DDR2: variants seen among roughly 807,000 people sequenced by gnomAD.
DDR2 encodes the protein discoidin domain-containing receptor 2.
In DDR2, 27 loss-of-function variants were observed where a neutral mutation model predicts 94.9. The observed-to-expected ratio is 0.28, with a 90% confidence interval of 0.21 to 0.39. The LOEUF (loss-of-function observed/expected upper bound fraction) is 0.39. Ranked by LOEUF, DDR2 falls within the 10% of genes least tolerant of loss-of-function variation. The pLI is 1.00. For missense variants in DDR2, 783 were observed against 1,076.0 expected (o/e 0.73, Z 3.81); for synonymous variants, 382 against 377.2 (o/e 1.01, Z -0.15).
intron 3 of DDR2, among the ~76,000 whole-genome samples, chr1:162,744,422 G>C (rs1294395982): frequency 6.6e-6 from 1 of 152,038 alleles, no homozygotes; most frequent in Non-Finnish European, 1.5e-5. Flanking sequence ...TCTATGGCTG[G>C]GTTATTTCAC....
chr1:162,710,217 G>C (rs1286401421), intron 2 of DDR2, among the ~76,000 whole-genome samples: 1 of 152,194 alleles, frequency 6.6e-6, no homozygotes, highest in African/African-American at 2.4e-5. Context: ...GAAAGGCTGA[G>C]ATGGAGGGGA....
Position 162,644,826 on chromosome 1 carries a change from C to A in DDR2, c.-191-10385C>A, listed in dbSNP as rs1450901207. ...GGCCAGGCTGGTCTCGAACTCCTGA[C>A]CTCAGGTTATCTGCCCACCTCAGCC... is the stretch of plus-strand genomic sequence containing the variant. On this transcript the variant is annotated intron_variant, in intron 1 of 17. Transcript: ENST00000367921. 2.6e-5 allele frequency among the ~76,000 whole-genome samples: 4 copies of A among 152,220 alleles called. No homozygotes were observed. The South Asian group carries it at 8.3e-4, about 32-fold the overall frequency.
rs774717921 is a variant in DDR2 at position 162,719,161 on chromosome 1, C to T, written c.82+16C>T. On this transcript the variant is annotated intron_variant, in intron 3 of 17. Coordinates refer to ENST00000367921, the MANE Select transcript of DDR2 (RefSeq NM_006182.4). ...GTTAATCCAGGTAACATGGCTATTACTCAGCTATATGCTAGAAGACCAGCA... is the reference window on the plus strand; with the variant it reads ...GTTAATCCAGGTAACATGGCTATTATTCAGCTATATGCTAGAAGACCAGCA... 6.2e-7 allele frequency: 1 copy of T among 1,613,660 alleles called. No individual in the cohort carries two copies.
At chr1:162,682,638 A>G (rs2101960262) in intron 2 of DDR2, among the ~76,000 whole-genome samples, 1 of 152,328 alleles carries the variant, frequency 6.6e-6, no homozygotes, top group African/African-American at 2.4e-5. Flanking sequence ...ATTGCTTCCT[A>G]GGTATACTGA....
At chr1:162,726,196 A>G (rs1510311) in intron 3 of DDR2, among the ~76,000 whole-genome samples, 19,328 of 152,178 alleles carry the variant, frequency 0.13, 1,693 homozygotes, top group African/African-American at 0.25. Flanking sequence ...CTCTTCCTCA[A>G]TTTTGTATAT....
rs1163211252 is a variant in DDR2 at position 162,643,575 on chromosome 1, G to A, written c.-192+10944G>A. Among the ~76,000 whole-genome samples the A allele has an allele frequency of 3.3e-5, 5 of 152,064 alleles. 1 individual carries two copies. Among genetic ancestry groups the A allele is most frequent in the Non-Finnish European group, 7.4e-5 (5 of 68,026 alleles). On this transcript the variant is annotated intron_variant, in intron 1 of 17. Coordinates refer to ENST00000367921, the MANE Select transcript of DDR2 (RefSeq NM_006182.4). ...TGGCTCACTGTAACTCCGCCTCCCC[G>A]GCTCAGGTGATTCTCCTGCCTCAGC...
chr1:162,699,094 G>A (rs1479232178), intron 2 of DDR2, among the ~76,000 whole-genome samples: 1 of 152,212 alleles, frequency 6.6e-6, no homozygotes, highest in African/African-American at 2.4e-5. Context: ...AGATTCAGGA[G>A]AAGGCTGGCA....
At chr1:162,719,561 G>C (rs930192918) in intron 3 of DDR2, among the ~76,000 whole-genome samples, 10 of 152,034 alleles carry the variant, frequency 6.6e-5, no homozygotes, top group Non-Finnish European at 1.5e-4. Context: ...TATGCTTTTG[G>C]GATCCTGGTC....
At chr1:162,712,663 T>C (rs1660972908) in intron 2 of DDR2, among the ~76,000 whole-genome samples, 1 of 152,140 alleles carries the variant, frequency 6.6e-6, no homozygotes, top group South Asian at 2.1e-4. Flanking sequence ...TCCATCCAGC[T>C]TGGCTAGGGA....
chr1:162,739,237 A>G (rs2102079228), intron 3 of DDR2, among the ~76,000 whole-genome samples: 1 of 148,298 alleles, frequency 6.7e-6, no homozygotes, highest in African/African-American at 2.5e-5. Context: ...TCCAGAATCT[A>G]CGATGAACTC....
In DDR2 at chr1:162,670,859, A is replaced by T. The variant is rs4656376; in HGVS notation, c.-28+15485A>T. Among the ~76,000 whole-genome samples, 3 of 152,016 alleles carry T rather than the reference A, an allele frequency of 2.0e-5. No individual in the cohort carries two copies. In the East Asian group the frequency reaches 5.8e-4, roughly 29 times the overall value. The stretch of plus-strand genomic sequence containing the variant: ...GTGGTTATGTTAGCTGAGGAGCCAG[A>T]ACACTAATTTCAGTGATTTGACTCT... On this transcript the variant is annotated intron_variant, in intron 2 of 17. Coordinates refer to ENST00000367921, the MANE Select transcript of DDR2 (RefSeq NM_006182.4).
chr1:162,758,844 T>C (rs1029282284), intron 7 of DDR2, among the ~76,000 whole-genome samples: 1 of 152,174 alleles, frequency 6.6e-6, no homozygotes, highest in African/African-American at 2.4e-5. Context: ...TTTGGGAAAT[T>C]TGTGTCATAT....
chr1:162,756,023 A>G (rs1294520763), intron 7 of DDR2, among the ~76,000 whole-genome samples: 1 of 152,218 alleles, frequency 6.6e-6, no homozygotes, highest in Admixed American at 6.5e-5. Context: ...AGTTTGTGAT[A>G]TGGCTCTAAG....
intron 2 of DDR2, among the ~76,000 whole-genome samples, chr1:162,718,753 T>C (rs927349506): frequency 2.6e-5 from 4 of 152,236 alleles, no homozygotes; most frequent in African/African-American, 9.6e-5. Flanking sequence ...ACCATTTGGG[T>C]AAGTATTTAT....
chr1:162,775,260 A>AAC (rs939019513), intron 14 of DDR2, among the ~76,000 whole-genome samples: 4 of 151,656 alleles, frequency 2.6e-5, no homozygotes, highest in Non-Finnish European at 4.4e-5. Flanking sequence ...ATGGCTTTAA[A>AAC]AAAAAAAAGG....
At chr1:162,667,635 A>G (rs1321701811) in intron 2 of DDR2, among the ~76,000 whole-genome samples, 9 of 152,222 alleles carry the variant, frequency 5.9e-5, no homozygotes, top group African/African-American at 2.2e-4. Flanking sequence ...AGGGACCAGC[A>G]TAAGAAGAGC....
intron 11 of DDR2, among the ~76,000 whole-genome samples, chr1:162,768,339 A>G (rs964831668): frequency 6.6e-6 from 1 of 152,180 alleles, no homozygotes; most frequent in African/African-American, 2.4e-5. Context: ...GCCTTTGGCC[A>G]TGATCACCTC....
Position 162,655,320 on chromosome 1 carries a change from A to G in DDR2, c.-82A>G, listed in dbSNP as rs1657903238. The G allele has an allele frequency of 6.6e-6, 1 of 152,222 alleles. No individual in the cohort carries two copies. Among genetic ancestry groups the G allele is most frequent in the South Asian group, 2.1e-4 (1 of 4,830 alleles). 9.4% of individuals were successfully genotyped at this position (152,222 alleles called of 1,614,324 possible). ...AGCTGAAATAATTGAAGAGAAGCAGAGGCCAGCTGTTTTTGAGGATCCTGC... is the reference window on the plus strand; with the variant it reads ...AGCTGAAATAATTGAAGAGAAGCAGGGGCCAGCTGTTTTTGAGGATCCTGC... On this transcript the variant is annotated 5_prime_UTR_variant, in exon 2 of 18. Transcript: ENST00000367921.
intron 1 of DDR2, among the ~76,000 whole-genome samples, chr1:162,633,106 G>A (rs1018642946): frequency 6.6e-6 from 1 of 152,188 alleles, no homozygotes; most frequent in African/African-American, 2.4e-5. Context: ...TGATTTACTT[G>A]TGAGAAGGGT....
Sources: allele counts gnomAD v4.1 joint callset (sites outside exome capture counted in the v4.1 genomes callset), GRCh38; gene constraint gnomAD v4.1.1; transcripts MANE v1.5; gene names NCBI Gene and HGNC (gene_info 2026-07-23, HGNC 2026-07-21).